The following MLIP variants were observed in gnomAD, a reference collection of about 807,000 sequenced individuals.
MLIP encodes the protein muscular LMNA-interacting protein.
MLIP carries 79 observed loss-of-function variants against 84.8 expected under a neutral mutation model. The ratio of observed to expected loss-of-function variants is 0.93; its 90% CI spans 0.78 to 1.12. MLIP has a LOEUF of 1.12. Ranked by LOEUF, MLIP falls within the 50% of genes most tolerant of loss-of-function variation. The pLI is 0.00. For synonymous variants in MLIP, 504 were observed against 463.0 expected (o/e 1.09, Z -1.14); for missense variants, 1,257 against 1,160.6 (o/e 1.08, Z -1.21).
intron 12 of MLIP, among the ~76,000 whole-genome samples, chr6:54,248,934 G>A (rs1417827290): frequency 2.0e-5 from 3 of 151,992 alleles, no homozygotes; most frequent in South Asian, 2.1e-4. Flanking sequence ...TAATAACCAA[G>A]GGAGTACACA....
chr6:54,109,378 A>G (rs190375185), upstream of MLIP, among the ~76,000 whole-genome samples: 3 of 152,238 alleles, frequency 2.0e-5, no homozygotes, highest in Admixed American at 2.0e-4. Context: ...TGTAATCCTC[A>G]CAAGAACTCT....
In MLIP at chr6:54,230,767, A is replaced by T. The variant is rs773482556; in HGVS notation, c.2772A>T (p.Lys924Asn). ...CGCTCCATCCTTTATATCAGACTAA[A>T]CTCTATCCTCCTGCTAAGTCACTGC... ...PVSLHPLYQTKLYPPAKSLLH... is the reference protein window; with the variant it reads ...PVSLHPLYQTNLYPPAKSLLH... Residue 924 changes from lysine (K) to asparagine (N), a missense_variant, in exon 12 of 14, where the codon AAA (lysine) becomes AAT (asparagine). Lys to Asn is a moderately conservative substitution (Grantham distance 94). Coordinates refer to ENST00000502396, the MANE Select transcript of MLIP (RefSeq NM_001281747.2). 2 of 1,613,380 alleles carry T rather than the reference A, an allele frequency of 1.2e-6. No individual in the cohort carries two copies. The highest frequency in any genetic ancestry group is 1.7e-6 in the Non-Finnish European group (2 of 1,179,888).
chr6:54,137,639 G>A lies in MLIP; in HGVS notation c.1570G>A (p.Glu524Lys), dbSNP rs1254054608. The A allele has an allele frequency of 6.5e-7, 1 of 1,536,050 alleles. No homozygotes were observed. The highest frequency in any genetic ancestry group is 2.4e-5 in the East Asian group (1 of 40,898). ...ASSSLASMNV[E>K]RTPSPTLKSN... ...TAGCAGCCTTGCTTCCATGAATGTAGAGAGAACACCATCACCTACTTTGAA... is the reference window on the plus strand; with the variant it reads ...TAGCAGCCTTGCTTCCATGAATGTAAAGAGAACACCATCACCTACTTTGAA... The change falls in exon 4 of 14, where the codon GAG becomes AAG. Residue 524 changes from glutamate (E) to lysine (K), a missense_variant. Coordinates refer to ENST00000502396, the MANE Select transcript of MLIP (RefSeq NM_001281747.2).
chr6:54,195,533 C>G (rs925304018), intron 10 of MLIP, among the ~76,000 whole-genome samples: 4 of 152,084 alleles, frequency 2.6e-5, no homozygotes, highest in Admixed American at 2.0e-4. Context: ...ACTTTGGTCT[C>G]TAGCTCAGAG....
At chr6:54,068,109 C>G (rs1488271238) in intron 1 of MLIP, among the ~76,000 whole-genome samples, 1 of 59,994 alleles carries the variant, frequency 1.7e-5, no homozygotes, top group African/African-American at 3.9e-5. Context: ...CCCTCCCTCC[C>G]TCCTCTCCCT....
intron 2 of MLIP, among the ~76,000 whole-genome samples, chr6:54,122,242 A>G (rs1458480567): frequency 6.6e-6 from 1 of 152,192 alleles, no homozygotes; most frequent in South Asian, 2.1e-4. Context: ...TTAAGAATAT[A>G]ATAGTACCTC....
chr6:54,211,824 T>G (rs1363086079), intron 11 of MLIP, among the ~76,000 whole-genome samples: 2 of 152,238 alleles, frequency 1.3e-5, no homozygotes, highest in East Asian at 3.8e-4. Flanking sequence ...AACCCTGGAC[T>G]AGAACATCTC....
chr6:54,209,130 T>G (rs1779242940), intron 11 of MLIP, among the ~76,000 whole-genome samples: 1 of 152,210 alleles, frequency 6.6e-6, no homozygotes, highest in South Asian at 2.1e-4. Context: ...GCATATATTT[T>G]AAAATGTGTG....
intron 1 of MLIP, chr6:54,063,424 A>C (rs973827999): frequency 6.6e-6 from 1 of 151,932 alleles, no homozygotes; most frequent in African/African-American, 2.4e-5. Flanking sequence ...TTTTAAACTT[A>C]TTTGTTTTGT....
rs545532054 is a variant in MLIP, at chr6:54,190,007, A to G, written c.2589+93A>G. ...AAGTGAAAAAAAGAATACATTTACT[A>G]TATATATTTTTATTCACTTACTTGT... On this transcript the variant is annotated intron_variant, in intron 10 of 13. Coordinates refer to ENST00000502396, the MANE Select transcript of MLIP (RefSeq NM_001281747.2). 7.2e-5 allele frequency: 61 copies of G among 842,846 alleles called. 1 individual carries two copies. In the South Asian group the frequency reaches 1.0e-3, roughly 14 times the overall value. 52.2% of individuals were successfully genotyped at this position (842,846 alleles called of 1,614,324 possible).
At chr6:54,231,134 C>G (rs1009786783) in intron 12 of MLIP, among the ~76,000 whole-genome samples, 16 of 151,908 alleles carry the variant, frequency 1.1e-4, no homozygotes, top group Admixed American at 1.0e-3. Flanking sequence ...TATATTTTTC[C>G]AAAGTTATTC....
chr6:54,230,961 C>A, intron 12 of MLIP, 44 bp downstream of exon 12: 1 of 1,556,484 alleles, frequency 6.4e-7, no homozygotes, highest in African/African-American at 1.4e-5. Context: ...ATTCTGTGAA[C>A]CTTCATTACG....
At chr6:54,076,328 A>G (rs2150350573) in intron 1 of MLIP, among the ~76,000 whole-genome samples, 1 of 152,328 alleles carries the variant, frequency 6.6e-6, no homozygotes, top group East Asian at 1.9e-4. Flanking sequence ...TTGTGCAAAC[A>G]TTGGCAATGT....
At chr6:54,218,424 C>T (rs758268916) in intron 11 of MLIP, among the ~76,000 whole-genome samples, 1 of 152,084 alleles carries the variant, frequency 6.6e-6, no homozygotes, top group Non-Finnish European at 1.5e-5. Context: ...GGAGGTTGCT[C>T]TGGGTGAATC....
chr6:54,223,386 T>A (rs2150778366), intron 11 of MLIP, among the ~76,000 whole-genome samples: 1 of 152,162 alleles, frequency 6.6e-6, no homozygotes, highest in South Asian at 2.1e-4. Context: ...CAGTTTTGAA[T>A]CTTATGTTTA....
At chr6:54,243,949 T>C (rs6900204) in intron 12 of MLIP, among the ~76,000 whole-genome samples, 4,041 of 152,270 alleles carry the variant, frequency 0.027, 173 homozygotes, top group African/African-American at 0.092. Context: ...AATTCCACAA[T>C]ACTTTTCACA....
intron 1 of MLIP, among the ~76,000 whole-genome samples, chr6:54,053,190 T>C (rs1201541770): frequency 6.6e-6 from 1 of 152,190 alleles, no homozygotes; most frequent in South Asian, 2.1e-4. Flanking sequence ...CTGATACCCA[T>C]ACCTTAAGCA....
intron 1 of MLIP, 48 bp from the exon 2 acceptor site, chr6:54,121,399 A>G: frequency 6.3e-7 from 1 of 1,595,274 alleles, no homozygotes; most frequent in Non-Finnish European, 8.6e-7. Context: ...TAAAGGCAAG[A>G]TAAACCTTTG....
At chr6:54,145,766 ACT>A (rs1772748559) in intron 4 of MLIP, among the ~76,000 whole-genome samples, 1 of 151,114 alleles carries the variant, frequency 6.6e-6, no homozygotes, top group Non-Finnish European at 1.5e-5. Flanking sequence ...ACAGAGAAAG[ACT>A]CTGTCCCCCA....
Sources: gnomAD v4.1 joint callset for allele counts (sites outside exome capture counted in the v4.1 genomes callset) on GRCh38, gnomAD v4.1.1 for gene constraint, MANE v1.5 for transcripts, NCBI Gene and HGNC (gene_info 2026-07-23, HGNC 2026-07-21) for gene names.